Variants in COL21A1 observed in about 807,000 individuals in gnomAD.
The protein encoded by COL21A1 is collagen type XXI alpha 1 chain.
A neutral mutation model predicts 137.9 loss-of-function variants in COL21A1; 149 were observed. The observed-to-expected ratio is 1.08, with a 90% confidence interval of 0.95 to 1.24. The LOEUF (loss-of-function observed/expected upper bound fraction) is 1.24. Ranked by LOEUF, COL21A1 falls within the 50% of genes most tolerant of loss-of-function variation. COL21A1 has a pLI of 0.00. For missense variants in COL21A1, 1,167 were observed against 1,158.4 expected (o/e 1.01, Z -0.11); for synonymous variants, 456 against 391.5 (o/e 1.16, Z -1.95).
At chr6:56,244,742 A>C (rs1274653276) in intron 1 of COL21A1, among the ~76,000 whole-genome samples, 2 of 152,210 alleles carry the variant, frequency 1.3e-5, no homozygotes, top group Non-Finnish European at 2.9e-5. Flanking sequence ...GATGAGTCAT[A>C]AAAGGCATTC....
chr6:56,352,434 GTGTA>G (rs1765729445), intron 1 of COL21A1, among the ~76,000 whole-genome samples: 1 of 151,982 alleles, frequency 6.6e-6, no homozygotes, highest in South Asian at 2.1e-4. Flanking sequence ...AGTCAAATAG[GTGTA>G]TGTCAGAAAA....
At chr6:56,276,788 A>C (rs890131663) in intron 1 of COL21A1, 3 of 1,089,996 alleles carry the variant, frequency 2.8e-6, no homozygotes, top group Non-Finnish European at 4.1e-6. Context: ...CTGGTTGTTC[A>C]GTGAGTTGTG....
At chr6:56,125,475 T>G in intron 14 of COL21A1, 92 bp downstream of exon 14, 1 of 862,308 alleles carries the variant, frequency 1.2e-6, no homozygotes, top group Non-Finnish European at 1.8e-6. Context: ...AGCTAACTGT[T>G]CTAATGCTGG....
intron 3 of COL21A1, among the ~76,000 whole-genome samples, chr6:56,173,979 T>C (rs1447983134): frequency 6.6e-6 from 1 of 152,174 alleles, no homozygotes; most frequent in African/African-American, 2.4e-5. Flanking sequence ...GCTGAAATCA[T>C]ACCAGTATAT....
chr6:56,286,345 G>A (rs1017001189), intron 1 of COL21A1, among the ~76,000 whole-genome samples: 2 of 152,018 alleles, frequency 1.3e-5, no homozygotes, highest in Admixed American at 6.6e-5. Context: ...ACACATGCAG[G>A]CATACATACA....
At chr6:56,113,182 G>A (rs1771603507) in intron 16 of COL21A1, among the ~76,000 whole-genome samples, 1 of 152,180 alleles carries the variant, frequency 6.6e-6, no homozygotes, top group African/African-American at 2.4e-5. Context: ...CAGTAGACTG[G>A]GGAGGCACAC....
intron 7 of COL21A1, 192 bp downstream of exon 7, chr6:56,166,714 T>G (rs1051725851): frequency 2.2e-5 from 15 of 676,038 alleles, no homozygotes; most frequent in Non-Finnish European, 3.2e-5. Context: ...ACTTGCACAA[T>G]GACACATAAC....
At chr6:56,185,446 T>TTTTTTTTA (rs1491324948) in intron 1 of COL21A1, among the ~76,000 whole-genome samples, 9 of 133,142 alleles carry the variant, frequency 6.8e-5, no homozygotes, top group Middle Eastern at 3.9e-3. Flanking sequence ...TTTTTTTTTT[T>TTTTTTTTA]GAGACGGAGT....
chr6:56,371,650 G>A (rs972441510), intron 1 of COL21A1, among the ~76,000 whole-genome samples: 5 of 152,182 alleles, frequency 3.3e-5, no homozygotes, highest in African/African-American at 9.7e-5. Context: ...GAGACATGCA[G>A]AATCTGCAGT....
intron 5 of COL21A1, among the ~76,000 whole-genome samples, chr6:56,168,732 T>G (rs184162094): frequency 6.6e-6 from 1 of 152,044 alleles, no homozygotes; most frequent in African/African-American, 2.4e-5. Flanking sequence ...TTGCTCATTC[T>G]CTCTCTCTGT....
chr6:56,369,259 A>G (rs1240164785), intron 1 of COL21A1, among the ~76,000 whole-genome samples: 1 of 152,012 alleles, frequency 6.6e-6, no homozygotes, highest in Non-Finnish European at 1.5e-5. Context: ...AAGGCATACT[A>G]TAAAGTTATA....
At position 56,176,116 on chromosome 6, in the gene COL21A1, C is replaced by CA. The variant is rs1469670103; in HGVS notation, c.640+3461dup. 1.6e-4 allele frequency among the ~76,000 whole-genome samples: 24 copies of CA among 151,786 alleles called. 1 individual carries two copies. Among genetic ancestry groups the CA allele is most frequent in the Admixed American group, 1.3e-3 (20 of 15,222 alleles). ...TTGGACCCTTATTTTACACCATACA[C>CA]AAAAAACAACTCAAAATAAAGACTT... On this transcript the variant is annotated intron_variant, in intron 3 of 29. Coordinates refer to ENST00000244728, the MANE Select transcript of COL21A1 (RefSeq NM_030820.4).
intron 1 of COL21A1, among the ~76,000 whole-genome samples, chr6:56,310,655 G>A (rs1224708684): frequency 6.6e-6 from 1 of 151,912 alleles, no homozygotes; most frequent in African/African-American, 2.4e-5. Context: ...ATTACTTAGA[G>A]GCCACTTACA....
At chr6:56,061,155 TG>T in intron 25 of COL21A1, 118 bp from the exon 26 acceptor site, 1 of 826,300 alleles carries the variant, frequency 1.2e-6, no homozygotes, top group Non-Finnish European at 1.8e-6. Flanking sequence ...ATGTAAGGTA[TG>T]TAAGGAATAG....
At chr6:56,364,698 C>T (rs1050375821) in intron 1 of COL21A1, among the ~76,000 whole-genome samples, 8 of 150,512 alleles carry the variant, frequency 5.3e-5, no homozygotes, top group African/African-American at 2.0e-4. Context: ...GTAAAGACTA[C>T]AAAGAGCAGC....
In COL21A1 at chr6:56,137,264, A is replaced by G. The variant is rs74333904; in HGVS notation, c.1542+4521T>C. Among the ~76,000 whole-genome samples the G allele has an allele frequency of 8.2e-3, 1,243 of 152,314 alleles. 19 individuals are homozygous for G. Among genetic ancestry groups the G allele is most frequent in the African/African-American group, 0.029 (1,198 of 41,562 alleles). The stretch of plus-strand genomic sequence containing the variant: ...GAGGATTTAATGTAAAGGGGAATGC[A>G]TATGGACAAAATTGATGCAAAACAT... On this transcript the variant is annotated intron_variant, in intron 12 of 29. Transcript: ENST00000244728.
intron 1 of COL21A1, among the ~76,000 whole-genome samples, chr6:56,275,841 C>T (rs1178603327): frequency 6.6e-6 from 1 of 152,158 alleles, no homozygotes; most frequent in Non-Finnish European, 1.5e-5. Context: ...TAAAACAGAG[C>T]TACCATTTGA....
At chr6:56,294,367 T>A (rs902428152) in intron 1 of COL21A1, among the ~76,000 whole-genome samples, 7 of 152,110 alleles carry the variant, frequency 4.6e-5, no homozygotes, top group African/African-American at 1.7e-4. Flanking sequence ...ATAAAATACA[T>A]TGCATATTTC....
intron 1 of COL21A1, among the ~76,000 whole-genome samples, chr6:56,262,452 T>C (rs1388710191): frequency 6.6e-6 from 1 of 152,062 alleles, no homozygotes; most frequent in Non-Finnish European, 1.5e-5. Flanking sequence ...AAACAGAGCC[T>C]AAGCCAAAAG....
Sources: gnomAD v4.1 joint callset for allele counts (sites outside exome capture counted in the v4.1 genomes callset) on GRCh38, gnomAD v4.1.1 for gene constraint, MANE v1.5 for transcripts, NCBI Gene and HGNC (gene_info 2026-07-23, HGNC 2026-07-21) for gene names.